Variants in ERLIN1 observed in about 807,000 individuals in gnomAD.
The protein encoded by ERLIN1 is ER lipid raft associated 1.
Under a neutral mutation model 46.9 loss-of-function variants are expected in ERLIN1, and 24 were observed. That is an observed-to-expected ratio of 0.51 (90% CI 0.37 to 0.72). The LOEUF (loss-of-function observed/expected upper bound fraction) is 0.72, where lower values mean the gene tolerates loss of function less well. Among genes scored for constraint, ERLIN1 ranks in the 30% least tolerant of loss-of-function variants. The probability of loss-of-function intolerance (pLI) is 0.00; values close to 1 mark genes in which losing one functional copy is unlikely to be tolerated. For synonymous variants in ERLIN1, 158 were observed against 143.2 expected (o/e 1.10, Z -0.74); for missense variants, 293 against 417.9 (o/e 0.70, Z 2.61).
chr10:100,179,411 T>C (rs1054733855), intron 2 of ERLIN1, among the ~76,000 whole-genome samples, 164 bp from the exon 3 acceptor site: 4 of 152,124 alleles, frequency 2.6e-5, no homozygotes, highest in Non-Finnish European at 5.9e-5. Context: ...TTTCTTTTTG[T>C]ATTCTAGTAG....
At chr10:100,183,680 A>G in intron 2 of ERLIN1, 76 bp downstream of exon 2, 3 of 925,170 alleles carry the variant, frequency 3.2e-6, no homozygotes, top group Non-Finnish European at 5.1e-6. Context: ...AAGGAAATCT[A>G]TCTCCACCCA....
intron 1 of ERLIN1, among the ~76,000 whole-genome samples, chr10:100,184,069 T>C (rs561046178): frequency 6.6e-6 from 1 of 152,338 alleles, no homozygotes; most frequent in South Asian, 2.1e-4. Flanking sequence ...CAACCAACCG[T>C]ACCTCTGGGT....
chr10:100,185,821 C>G lies in ERLIN1; in HGVS notation c.-195G>C. The G allele has an allele frequency of 1.7e-6, 1 of 589,154 alleles. No individual in the cohort carries two copies. The highest frequency in any genetic ancestry group is 3.0e-6 in the Non-Finnish European group (1 of 330,066). 36.5% of individuals were successfully genotyped at this position (589,154 alleles called of 1,614,324 possible). ...GACCCCTTGCCAACTCCTCCGCCCC[C>G]GGAGGCCAGTGGGCCGCCCCTGCTC... On this transcript the variant is annotated 5_prime_UTR_variant, in exon 1 of 11. Transcript: ENST00000421367.
At chr10:100,174,578 T>C (rs779192456) in intron 5 of ERLIN1, among the ~76,000 whole-genome samples, 4 of 152,234 alleles carry the variant, frequency 2.6e-5, no homozygotes, top group African/African-American at 9.6e-5. Context: ...TTATTAGACT[T>C]ATTTACTGGA....
intron 10 of ERLIN1, 25 bp downstream of exon 10, chr10:100,154,835 G>T: frequency 6.3e-7 from 1 of 1,596,656 alleles, no homozygotes; most frequent in Non-Finnish European, 8.6e-7. Context: ...TGCATCATTA[G>T]GAAAGTGGCC....
intron 6 of ERLIN1, among the ~76,000 whole-genome samples, chr10:100,170,232 A>G (rs1339556561): frequency 6.6e-6 from 1 of 152,222 alleles, no homozygotes; most frequent in African/African-American, 2.4e-5. Context: ...AAAGCTCAAA[A>G]ACAGCCTTGA....
intron 9 of ERLIN1, among the ~76,000 whole-genome samples, chr10:100,155,295 C>G (rs987034741): frequency 5.9e-5 from 9 of 152,002 alleles, no homozygotes; most frequent in South Asian, 4.2e-4. Context: ...GTCTCCAGCC[C>G]CCCCCCAAAT....
chr10:100,156,301 C>T lies in ERLIN1; in HGVS notation c.656-67G>A, dbSNP rs1843079526. On this transcript the variant is annotated intron_variant, in intron 8 of 10. Transcript: ENST00000421367. ...CTACAGTACCTGAGGCACTTCGAACCAGCAGCACACAGTCTAACATTTAAT... is the reference window on the plus strand; with the variant it reads ...CTACAGTACCTGAGGCACTTCGAACTAGCAGCACACAGTCTAACATTTAAT... The T allele has an allele frequency of 1.1e-5, 10 of 895,422 alleles. No individual in the cohort carries two copies. The South Asian group carries it at 1.4e-4, about 12-fold the overall frequency. The allele number at this position is 895,422 out of a possible 1,614,324, so 55.5% of individuals were successfully genotyped here. A position where few individuals can be genotyped will look rare whatever the true frequency, so the allele number is the denominator to read the frequency against.
intron 8 of ERLIN1, among the ~76,000 whole-genome samples, chr10:100,161,314 A>G (rs146233683): frequency 0.012 from 1,771 of 152,246 alleles, 44 homozygotes; most frequent in African/African-American, 0.04. Context: ...CTTATACAAA[A>G]CCCATTAGAA....
rs1281801887 is a variant in ERLIN1, at chr10:100,185,686, C to T, written c.-60G>A. Reference sequence around the variant, plus strand: ...TCAGTCCCGTGAGTGACAGGTCCACCCCCTCCAGTTTCTACCCTCTCCCTC... The same window carrying T: ...TCAGTCCCGTGAGTGACAGGTCCACTCCCTCCAGTTTCTACCCTCTCCCTC... On this transcript the variant is annotated 5_prime_UTR_variant, in exon 1 of 11. Coordinates refer to ENST00000421367, the MANE Select transcript of ERLIN1 (RefSeq NM_006459.4). The T allele has an allele frequency of 5.8e-6, 8 of 1,387,798 alleles. No homozygotes were observed. Among genetic ancestry groups the T allele is most frequent in the South Asian group, 1.2e-5 (1 of 85,342 alleles). 86.0% of individuals were successfully genotyped at this position (1,387,798 alleles called of 1,614,324 possible).
chr10:100,152,010 C>A lies in ERLIN1; in HGVS notation c.*121G>T. ...ATCAGTGGAGCACCCAGGACTATCG[C>A]AGGAGAGGTGGAACAGATGAAGTGT... On this transcript the variant is annotated 3_prime_UTR_variant, in exon 11 of 11. Transcript: ENST00000421367. 1 of 737,278 alleles carries A rather than the reference C, an allele frequency of 1.4e-6. No individual in the cohort carries two copies. The highest frequency in any genetic ancestry group is 1.5e-5 in the South Asian group (1 of 67,388). The allele number at this position is 737,278 out of a possible 1,614,324, so 45.7% of individuals were successfully genotyped here. A position where few individuals can be genotyped will look rare whatever the true frequency, so the allele number is the denominator to read the frequency against.
chr10:100,185,303 G>A (rs906482077), intron 1 of ERLIN1, among the ~76,000 whole-genome samples: 8 of 152,064 alleles, frequency 5.3e-5, no homozygotes, highest in Non-Finnish European at 8.8e-5. Flanking sequence ...TAACCGTAGG[G>A]AGACTTAATC....
intron 7 of ERLIN1, among the ~76,000 whole-genome samples, chr10:100,164,878 A>C (rs909692380): frequency 6.6e-6 from 1 of 152,160 alleles, no homozygotes; most frequent in Non-Finnish European, 1.5e-5. Context: ...TAAAAAAAAA[A>C]AACTAACCAC....
intron 8 of ERLIN1, among the ~76,000 whole-genome samples, chr10:100,163,750 AT>A (rs1843484354): frequency 6.6e-6 from 1 of 152,202 alleles, no homozygotes; most frequent in Admixed American, 6.5e-5. Context: ...TATAAACCCT[AT>A]CCATTCTCCC....
At chr10:100,152,891 C>G (rs1022491659) in intron 10 of ERLIN1, among the ~76,000 whole-genome samples, 2 of 151,936 alleles carry the variant, frequency 1.3e-5, no homozygotes, top group African/African-American at 4.8e-5. Context: ...CACTCTGTTG[C>G]CCAGGCTGGA....
chr10:100,165,327 A>G (rs902827795), intron 7 of ERLIN1, among the ~76,000 whole-genome samples: 4 of 151,838 alleles, frequency 2.6e-5, no homozygotes, highest in African/African-American at 7.3e-5. Flanking sequence ...TCTGAATACT[A>G]TGATTTATTT....
chr10:100,172,755 A>G (rs1159914363), intron 6 of ERLIN1, among the ~76,000 whole-genome samples: 1 of 152,222 alleles, frequency 6.6e-6, no homozygotes, highest in Non-Finnish European at 1.5e-5. Flanking sequence ...TTGAAAGATA[A>G]TTTGTACATA....
chr10:100,156,257 G>C (rs904685760), intron 8 of ERLIN1, 23 bp from the exon 9 acceptor site: 1 of 1,535,606 alleles, frequency 6.5e-7, no homozygotes, highest in African/African-American at 1.4e-5. Flanking sequence ...AACATAAGAA[G>C]ACACATTCAA....
At position 100,156,236 on chromosome 10, in the gene ERLIN1, T is replaced by G; in HGVS notation, c.656-2A>C. The G allele has an allele frequency of 6.2e-7, 1 of 1,602,406 alleles. No homozygotes were observed. ...CCACTTGTGCAATCTTCTCTGCTTCTATAATCATACAACATAAGAAGACAC... is the reference window on the plus strand; with the variant it reads ...CCACTTGTGCAATCTTCTCTGCTTCGATAATCATACAACATAAGAAGACAC... On this transcript the variant is annotated splice_acceptor_variant, in intron 8 of 10. Coordinates refer to ENST00000421367, the MANE Select transcript of ERLIN1 (RefSeq NM_006459.4). LOFTEE classifies it high-confidence loss of function.
Sources: allele counts gnomAD v4.1 joint callset (sites outside exome capture counted in the v4.1 genomes callset), GRCh38; gene constraint gnomAD v4.1.1; transcripts MANE v1.5; gene names NCBI Gene and HGNC (gene_info 2026-07-23, HGNC 2026-07-21).